Variants in MACC1 observed in about 807,000 individuals in gnomAD.
The protein encoded by MACC1 is MET transcriptional regulator MACC1.
Under a neutral mutation model 70.7 loss-of-function variants are expected in MACC1, and 79 were observed. The ratio of observed to expected loss-of-function variants is 1.12; its 90% confidence interval spans 0.93 to 1.35. The LOEUF (loss-of-function observed/expected upper bound fraction) is 1.35. Among genes scored for constraint, MACC1 ranks in the 40% most tolerant of loss-of-function variants. MACC1 has a pLI of 0.00. For missense variants in MACC1, 1,106 were observed against 978.1 expected, an observed-to-expected ratio of 1.13 and a Z score of -1.74; for synonymous variants, 361 against 347.2, an observed-to-expected ratio of 1.04 and a Z score of -0.44.
chr7:20,166,818 C>G (rs1468161197), intron 2 of MACC1, among the ~76,000 whole-genome samples: 2 of 152,130 alleles, frequency 1.3e-5, no homozygotes, highest in Non-Finnish European at 2.9e-5. Context: ...TCTTATTATC[C>G]TTCCATCACT....
intron 5 of MACC1, 127 bp downstream of exon 5, chr7:20,158,077 G>C: frequency 1.1e-5 from 12 of 1,084,398 alleles, no homozygotes; most frequent in Non-Finnish European, 1.5e-5. Context: ...TTGCTATAAA[G>C]TGTCTTTAAT....
intron 6 of MACC1, chr7:20,147,297 G>C (rs1313939890): frequency 6.6e-6 from 1 of 152,168 alleles, no homozygotes; most frequent in African/African-American, 2.4e-5. Flanking sequence ...GCATAGCACT[G>C]TATGTCTTTT....
At chr7:20,163,917 G>A (rs1376382203) in intron 3 of MACC1, among the ~76,000 whole-genome samples, 1 of 152,098 alleles carries the variant, frequency 6.6e-6, no homozygotes, top group African/African-American at 2.4e-5. Flanking sequence ...CACATTTCCA[G>A]TTATTTTTTA....
At chr7:20,209,289 G>A (rs946034845) in intron 1 of MACC1, among the ~76,000 whole-genome samples, 5 of 152,224 alleles carry the variant, frequency 3.3e-5, no homozygotes, top group African/African-American at 1.2e-4. Flanking sequence ...AAAAGCCACA[G>A]ACAATGCCAG....
intron 6 of MACC1, among the ~76,000 whole-genome samples, chr7:20,146,870 A>C (rs1210888447): frequency 2.0e-5 from 3 of 152,202 alleles, no homozygotes; most frequent in African/African-American, 4.8e-5. Flanking sequence ...TTATGCCTCT[A>C]TTCTTAGATT....
intron 1 of MACC1, among the ~76,000 whole-genome samples, chr7:20,185,481 T>TTA (rs200833865): frequency 3.3e-5 from 5 of 150,892 alleles, no homozygotes; most frequent in East Asian, 2.0e-4. Flanking sequence ...AAAGTTTATT[T>TTA]AAAAAAAAAA....
Position 20,159,083 on chromosome 7 carries a change from T to G in MACC1, c.1278A>C (p.Leu426Phe), listed in dbSNP as rs759190726. 11 of 1,612,512 alleles carry G rather than the reference T, an allele frequency of 6.8e-6. No individual in the cohort carries two copies. The highest frequency in any genetic ancestry group is 9.3e-6 in the Non-Finnish European group (11 of 1,179,594). ...TACTTAAATCTTGTGGCTTGTCAAG[T>G]AAAAATGACTGCTTCCCCCAGAGCT... ...VFQLWGKQSFLLDKPQDLSIS... is the reference protein window; with the variant it reads ...VFQLWGKQSFFLDKPQDLSIS... The change falls in exon 5 of 7, where the codon TTA (leucine) becomes TTC (phenylalanine). Residue 426 changes from leucine to phenylalanine, a missense_variant. Leu to Phe is a conservative substitution (Grantham distance 22). Coordinates refer to ENST00000400331, the MANE Select transcript of MACC1 (RefSeq NM_182762.4).
At position 20,170,772 on chromosome 7, in the gene MACC1, A is replaced by C. The variant is rs1258245893; in HGVS notation, c.-211T>G. 6.6e-6 allele frequency: 1 copy of C among 152,232 alleles called. No homozygotes were observed. Among genetic ancestry groups the C allele is most frequent in the Non-Finnish European group, 1.5e-5 (1 of 68,046 alleles). 9.4% of individuals were successfully genotyped at this position (152,232 alleles called of 1,614,324 possible). A position where few individuals can be genotyped will look rare whatever the true frequency, so the allele number is the denominator to read the frequency against. On this transcript the variant is annotated 5_prime_UTR_variant, in exon 2 of 7. Transcript: ENST00000400331. ...TGAATCATTTGCATATCATCTGACA[A>C]GGCTACCTACTTGAAAGAGAATAAA... is the stretch of plus-strand genomic sequence containing the variant.
At chr7:20,211,680 A>G (rs1782998545) in intron 1 of MACC1, among the ~76,000 whole-genome samples, 1 of 152,234 alleles carries the variant, frequency 6.6e-6, no homozygotes, top group Non-Finnish European at 1.5e-5. Flanking sequence ...ATAATGTGTT[A>G]TAAATGTTTT....
At chr7:20,156,316 G>C (rs1212191156) in intron 5 of MACC1, among the ~76,000 whole-genome samples, 2 of 152,082 alleles carry the variant, frequency 1.3e-5, no homozygotes, top group African/African-American at 4.8e-5. Flanking sequence ...CTCCACTAAA[G>C]CTTGGAAGCT....
At position 20,136,636 on chromosome 7, in the gene MACC1, G is replaced by A. The variant is rs1405759157; in HGVS notation, c.*4310C>T. The A allele has an allele frequency of 6.6e-6, 1 of 151,818 alleles. No homozygotes were observed. Among genetic ancestry groups the A allele is most frequent in the Admixed American group, 6.6e-5 (1 of 15,240 alleles). 9.4% of individuals were successfully genotyped at this position (151,818 alleles called of 1,614,324 possible). On this transcript the variant is annotated 3_prime_UTR_variant, in exon 7 of 7. Transcript: ENST00000400331. ...ATACATATGCAAGAAACAAACCTTC[G>A]ACATGCCATTTGATTCTGAAAAAAT...
intron 6 of MACC1, chr7:20,141,840 A>G (rs1781808485): frequency 6.6e-6 from 1 of 152,106 alleles, no homozygotes; most frequent in Admixed American, 6.6e-5. Flanking sequence ...GAAACTTCAC[A>G]TACAAGCATG....
At chr7:20,166,312 C>G (rs948770930) in intron 2 of MACC1, among the ~76,000 whole-genome samples, 15 of 152,126 alleles carry the variant, frequency 9.9e-5, no homozygotes, top group African/African-American at 3.6e-4. Flanking sequence ...GCCAAACCTG[C>G]CCAAGTAACA....
Position 20,137,709 on chromosome 7 carries a change from T to C in MACC1, c.*3237A>G, listed in dbSNP as rs1562576492. On this transcript the variant is annotated 3_prime_UTR_variant, in exon 7 of 7. Coordinates refer to ENST00000400331, the MANE Select transcript of MACC1 (RefSeq NM_182762.4). ...ATTTCATTGACTTACTGCCAAATAT[T>C]GAAGGCAATTCATGATTACTAATTT... 2 of 152,244 alleles carry C rather than the reference T, an allele frequency of 1.3e-5. No individual in the cohort carries two copies. The highest frequency in any genetic ancestry group is 3.8e-4 in the East Asian group (2 of 5,208). The allele number at this position is 152,244 out of a possible 1,614,324, so 9.4% of individuals were successfully genotyped here.
At chr7:20,195,832 T>C (rs1483974152) in intron 1 of MACC1, among the ~76,000 whole-genome samples, 1 of 152,218 alleles carries the variant, frequency 6.6e-6, no homozygotes, top group African/African-American at 2.4e-5. Context: ...AGCTAGAACA[T>C]AGTTTATTCC....
Position 20,159,721 on chromosome 7 carries a change from T to C in MACC1, c.640A>G (p.Ile214Val), listed in dbSNP as rs370497646. ...CCTTGATGGTTTACTTTGCAAGCTA[T>C]GGTGACCTCCGCAAGTTGTGTCTGG... ...WAQTQLAEVT[I>V]ACKVNHQGGS... is the part of the protein sequence containing the mutation. Residue 214 changes from isoleucine to valine, a missense_variant, in exon 5 of 7, where the codon ATA becomes GTA. Physicochemically the swap from Ile to Val is conservative, Grantham distance 29. Transcript: ENST00000400331. 4.0e-5 allele frequency: 64 copies of C among 1,614,182 alleles called. No individual in the cohort carries two copies. In the African/African-American group the frequency reaches 7.9e-4, roughly 20 times the overall value.
rs183513864 is a variant in MACC1, at chr7:20,163,787, C to T, written c.-9+469G>A. Among the ~76,000 whole-genome samples the T allele has an allele frequency of 1.1e-3, 168 of 152,290 alleles. 2 individuals carry two copies. Among genetic ancestry groups the T allele is most frequent in the Admixed American group, 5.8e-3 (88 of 15,294 alleles). ...GATTGATTAGCAAGTGAGCCACTGACCGGAAGTTACTTGTTCATGTTATAA... is the reference window on the plus strand; with the variant it reads ...GATTGATTAGCAAGTGAGCCACTGATCGGAAGTTACTTGTTCATGTTATAA... On this transcript the variant is annotated intron_variant, in intron 3 of 6. Coordinates refer to ENST00000400331, the MANE Select transcript of MACC1 (RefSeq NM_182762.4).
chr7:20,177,998 TA>T (rs2128105481), intron 1 of MACC1, among the ~76,000 whole-genome samples: 1 of 152,288 alleles, frequency 6.6e-6, no homozygotes, highest in South Asian at 2.1e-4. Context: ...TTTACTTTTT[TA>T]CTTTTATTTA....
Position 20,209,833 on chromosome 7 carries a change from CTGA to C in MACC1, c.-218+7463_-218+7465del, listed in dbSNP as rs537873636. Among the ~76,000 whole-genome samples, 34 of 152,282 alleles carry C rather than the reference CTGA, an allele frequency of 2.2e-4. No homozygotes were observed. In the South Asian group the frequency reaches 2.3e-3, roughly 10 times the overall value. ...AATCCCCATGTGCTGTGGGAGGAAC[CTGA>C]TGAGAGGTAATTGAATCATGGGGGC... On this transcript the variant is annotated intron_variant, in intron 1 of 6. Transcript: ENST00000400331.
Sources: gnomAD v4.1 joint callset for allele counts (sites outside exome capture counted in the v4.1 genomes callset) on GRCh38, gnomAD v4.1.1 for gene constraint, MANE v1.5 for transcripts, NCBI Gene and HGNC (gene_info 2026-07-23, HGNC 2026-07-21) for gene names.